C7: variants seen among roughly 807,000 people sequenced by gnomAD.
The protein encoded by C7 is complement component C7.
In C7, 83 loss-of-function variants were observed where a neutral mutation model predicts 104.8. That is an observed-to-expected ratio of 0.79 (90% CI 0.66 to 0.95). C7 has a LOEUF of 0.95. Ranked by LOEUF, C7 falls within the 40% of genes least tolerant of loss-of-function variation. The probability of loss-of-function intolerance (pLI) is 0.00; values close to 1 mark genes in which losing one functional copy is unlikely to be tolerated. For missense variants in C7, 1,070 were observed against 1,011.2 expected, an observed-to-expected ratio of 1.06 and a Z score of -0.79; for synonymous variants, 415 against 360.6, an observed-to-expected ratio of 1.15 and a Z score of -1.71.
At chr5:40,934,563 A>T in intron 4 of C7, 97 bp downstream of exon 4, 7 of 1,230,164 alleles carry the variant, frequency 5.7e-6, no homozygotes, top group Non-Finnish European at 8.2e-6. Flanking sequence ...TACTGAATTT[A>T]TATTGGCCTA....
rs70988826 is a variant in C7 at position 40,968,600 on chromosome 5, A to ATT, written c.1882+3755_1882+3756dup. Among the ~76,000 whole-genome samples the ATT allele has an allele frequency of 3.1e-3, 78 of 25,462 alleles. 1 individual carries two copies. Among genetic ancestry groups the ATT allele is most frequent in the Non-Finnish European group, 3.9e-3 (55 of 14,126 alleles). The allele number at this position is 25,462 out of a possible 152,430, so 16.7% of individuals were successfully genotyped here. On this transcript the variant is annotated intron_variant, in intron 14 of 17. Coordinates refer to ENST00000313164, the MANE Select transcript of C7 (RefSeq NM_000587.4). ...TATATATATATATATATATATATAT[A>ATT]TTTTTTTTTTTTTTTTTTTTTTTTT...
At chr5:40,914,298 A>ATGTTTTTGTTGTTGT (rs1281917271) in intron 1 of C7, among the ~76,000 whole-genome samples, 1 of 151,780 alleles carries the variant, frequency 6.6e-6, no homozygotes, top group Non-Finnish European at 1.5e-5. Flanking sequence ...CCACTTTTTA[A>ATGTTTTTGTTGTTGT]TGTTTTTGTT....
intron 4 of C7, among the ~76,000 whole-genome samples, chr5:40,935,169 C>T (rs1264563293): frequency 6.6e-6 from 1 of 152,208 alleles, no homozygotes; most frequent in Non-Finnish European, 1.5e-5. Context: ...TAGATAACCA[C>T]TCCTTCAGGA....
intron 1 of C7, among the ~76,000 whole-genome samples, chr5:40,922,926 T>C (rs1464011558): frequency 6.6e-6 from 1 of 152,104 alleles, no homozygotes; most frequent in Non-Finnish European, 1.5e-5. Flanking sequence ...CAACGTTTTT[T>C]GGGGTAAGAT....
intron 13 of C7, among the ~76,000 whole-genome samples, chr5:40,962,742 C>T (rs1349619772): frequency 6.6e-6 from 1 of 152,160 alleles, no homozygotes; most frequent in Non-Finnish European, 1.5e-5. Context: ...TTCGTTAATG[C>T]TGCTCTCAGT....
chr5:40,928,304 T>C (rs1739602483), intron 1 of C7, among the ~76,000 whole-genome samples: 1 of 152,152 alleles, frequency 6.6e-6, no homozygotes, highest in South Asian at 2.1e-4. Flanking sequence ...GAAATATATT[T>C]TGAATTCTAT....
In C7 at chr5:40,962,083, A is replaced by T. The variant is rs973360483; in HGVS notation, c.1662-2A>T. 2.7e-6 allele frequency: 4 copies of T among 1,500,742 alleles called. No individual in the cohort carries two copies. The highest frequency in any genetic ancestry group is 2.8e-5 in the African/African-American group (2 of 72,312). 93.0% of individuals were successfully genotyped at this position (1,500,742 alleles called of 1,614,324 possible). On this transcript the variant is annotated splice_acceptor_variant, in intron 12 of 17. Coordinates refer to ENST00000313164, the MANE Select transcript of C7 (RefSeq NM_000587.4). LOFTEE classifies it high-confidence loss of function. ...CATTAATTACATTTTTTTTCCTTCC[A>T]GGTTGCTTGAACCACATTGCTTTCC...
In C7 at chr5:40,964,020, C is replaced by CTTTTTTTTT. The variant is rs869250524; in HGVS notation, c.1750-698_1750-690dup. Among the ~76,000 whole-genome samples, 11 of 39,886 alleles carry CTTTTTTTTT rather than the reference C, an allele frequency of 2.8e-4. 2 individuals carry two copies. The highest frequency in any genetic ancestry group is 5.3e-4 in the Admixed American group (1 of 1,896). The allele number at this position is 39,886 out of a possible 152,430, so 26.2% of individuals were successfully genotyped here. ...TATTGTCAATGAACAGCTCATAATA[C>CTTTTTTTTT]TTTTTTTTTTTTTTTTTTTTTTTTT... On this transcript the variant is annotated intron_variant, in intron 13 of 17. Coordinates refer to ENST00000313164, the MANE Select transcript of C7 (RefSeq NM_000587.4).
chr5:40,942,137 C>G (rs1012452841), intron 6 of C7, among the ~76,000 whole-genome samples: 8 of 151,888 alleles, frequency 5.3e-5, no homozygotes, highest in African/African-American at 1.2e-4. Context: ...CCATTGTAAG[C>G]GGAAGAGTGA....
intron 1 of C7, among the ~76,000 whole-genome samples, chr5:40,910,586 T>C (rs764761106): frequency 2.0e-5 from 3 of 152,052 alleles, no homozygotes; most frequent in African/African-American, 7.2e-5. Flanking sequence ...TGGGCAGTCA[T>C]AAAAAAGAAT....
intron 16 of C7, among the ~76,000 whole-genome samples, 196 bp downstream of exon 16, chr5:40,977,036 G>T (rs1740834133): frequency 6.6e-6 from 1 of 152,184 alleles, no homozygotes; most frequent in Non-Finnish European, 1.5e-5. Context: ...ATTAAGCAGT[G>T]TTCTAATCTG....
At chr5:40,968,566 T>TATATATA (rs1359885953) in intron 14 of C7, among the ~76,000 whole-genome samples, 1 of 58,878 alleles carries the variant, frequency 1.7e-5, no homozygotes, top group African/African-American at 7.2e-5. Flanking sequence ...ATTATATATA[T>TATATATA]TTTATATATA....
intron 9 of C7, among the ~76,000 whole-genome samples, chr5:40,952,694 T>C (rs1311824561): frequency 1.3e-5 from 2 of 152,026 alleles, no homozygotes; most frequent in African/African-American, 4.8e-5. Flanking sequence ...CCTTCCTGTG[T>C]CCAAGTGTTC....
rs1165188440 is a variant in C7 at position 40,955,303 on chromosome 5, CT to C, written c.1094-79del. On this transcript the variant is annotated intron_variant, in intron 9 of 17. Transcript: ENST00000313164. ...TCTTTTGACTGTTTCCATAGTTTGGCTTTTTCCAGGATGTCATACAATTTGA... is the reference window on the plus strand; with the variant it reads ...TCTTTTGACTGTTTCCATAGTTTGGCTTTTCCAGGATGTCATACAATTTGA... 38 of 1,389,434 alleles carry C rather than the reference CT, an allele frequency of 2.7e-5. No individual in the cohort carries two copies. In the South Asian group the frequency reaches 4.2e-4, roughly 15 times the overall value. The allele number at this position is 1,389,434 out of a possible 1,614,324, so 86.1% of individuals were successfully genotyped here.
chr5:40,911,913 A>ATTT, intron 1 of C7, among the ~76,000 whole-genome samples: 1 of 127,590 alleles, frequency 7.8e-6, no homozygotes, highest in South Asian at 2.5e-4. Flanking sequence ...TAATTTTTGT[A>ATTT]TTTTTTTTTT....
intron 15 of C7, among the ~76,000 whole-genome samples, chr5:40,973,049 A>G (rs1740733472): frequency 6.6e-6 from 1 of 152,202 alleles, no homozygotes; most frequent in Non-Finnish European, 1.5e-5. Context: ...AAAATTTAGA[A>G]AGCATTTTCA....
chr5:40,913,978 C>A (rs112970764), intron 1 of C7, among the ~76,000 whole-genome samples: 1 of 152,106 alleles, frequency 6.6e-6, no homozygotes, highest in Admixed American at 6.6e-5. Flanking sequence ...TGCGTCCGAC[C>A]GCCCCAAATA....
intron 16 of C7, among the ~76,000 whole-genome samples, chr5:40,978,140 G>GAAAAAAAAAAAAAAAAAAAAAAAAAA (rs869311131): frequency 9.3e-6 from 1 of 107,634 alleles, no homozygotes. Flanking sequence ...ATCTCAAAAA[G>GAAAAAAAAAAAAAAAAAAAAAAAAAA]AAAAAAAAAA....
In C7 at chr5:40,932,521, T is replaced by C. The variant is rs117401674; in HGVS notation, c.138+1382T>C. ...TTATTAAAATAACAGAATCATACCA[T>C]AGAAGATAATTATTATTTTGAAGCA... On this transcript the variant is annotated intron_variant, in intron 3 of 17. Coordinates refer to ENST00000313164, the MANE Select transcript of C7 (RefSeq NM_000587.4). Among the ~76,000 whole-genome samples, 303 of 152,288 alleles carry C rather than the reference T, an allele frequency of 2.0e-3. 3 individuals are homozygous for C. The East Asian group carries it at 0.029, about 15-fold the overall frequency.
Sources: allele counts gnomAD v4.1 joint callset (sites outside exome capture counted in the v4.1 genomes callset), GRCh38; gene constraint gnomAD v4.1.1; transcripts MANE v1.5; gene names NCBI Gene and HGNC (gene_info 2026-07-23, HGNC 2026-07-21).